Variants in CPQ observed in about 807,000 individuals in gnomAD.
The protein encoded by CPQ is Ser-Met dipeptidase.
In CPQ, 37 loss-of-function variants were observed where a neutral mutation model predicts 45.7. That is an observed-to-expected ratio of 0.81 (90% CI 0.62 to 1.07). CPQ has a LOEUF of 1.07. Ranked by LOEUF, CPQ falls within the 50% of genes least tolerant of loss-of-function variation. CPQ has a pLI of 0.00. For missense variants in CPQ, 537 were observed against 572.9 expected (o/e 0.94, Z 0.64); for synonymous variants, 186 against 205.8 (o/e 0.90, Z 0.82).
chr8:96,683,713 T>C lies in CPQ; in HGVS notation c.-35+38311T>C, dbSNP rs570153258. Among the ~76,000 whole-genome samples the C allele has an allele frequency of 6.6e-5, 10 of 152,062 alleles. No homozygotes were observed. In the South Asian group the frequency reaches 1.9e-3, roughly 28 times the overall value. On this transcript the variant is annotated intron_variant, in intron 1 of 7. Coordinates refer to ENST00000220763, the MANE Select transcript of CPQ (RefSeq NM_016134.4). Reference sequence around the variant, plus strand: ...ATATTATCTAGGCTTCCTTCATTCTTTTAAATCCATTTTTTCTATTTTTTT... The same window carrying C: ...ATATTATCTAGGCTTCCTTCATTCTCTTAAATCCATTTTTTCTATTTTTTT...
intron 3 of CPQ, among the ~76,000 whole-genome samples, chr8:96,874,500 T>C (rs1054553981): frequency 6.6e-6 from 1 of 151,842 alleles, no homozygotes; most frequent in Non-Finnish European, 1.5e-5. Flanking sequence ...TAAAATTTAC[T>C]TTCTATCTAA....
chr8:96,728,629 G>A (rs1465098789), intron 1 of CPQ, among the ~76,000 whole-genome samples: 1 of 152,096 alleles, frequency 6.6e-6, no homozygotes, highest in Non-Finnish European at 1.5e-5. Flanking sequence ...GGTGGATATG[G>A]TCAGTATCCA....
chr8:97,116,087 A>T (rs1428523522), intron 7 of CPQ, among the ~76,000 whole-genome samples: 1 of 152,206 alleles, frequency 6.6e-6, no homozygotes, highest in Non-Finnish European at 1.5e-5. Context: ...AGACAGAAAA[A>T]GAAATGATAG....
intron 6 of CPQ, among the ~76,000 whole-genome samples, chr8:97,058,500 C>A (rs998001140): frequency 6.6e-5 from 10 of 152,082 alleles, no homozygotes; most frequent in Non-Finnish European, 1.3e-4. Context: ...GGAAAATGGT[C>A]AAATGAAGGA....
At chr8:96,779,199 G>A (rs1352667950) in intron 1 of CPQ, among the ~76,000 whole-genome samples, 1 of 152,000 alleles carries the variant, frequency 6.6e-6, no homozygotes, top group African/African-American at 2.4e-5. Context: ...GGTCCCTCTA[G>A]AAAGGGTACC....
At chr8:97,040,370 A>C (rs1181802394) in intron 6 of CPQ, among the ~76,000 whole-genome samples, 12 of 151,568 alleles carry the variant, frequency 7.9e-5, no homozygotes, top group Middle Eastern at 3.4e-3. Context: ...TTCATTGTAG[A>C]TTCTGGATAT....
chr8:96,734,545 A>G (rs1809954950), intron 1 of CPQ, among the ~76,000 whole-genome samples: 1 of 151,740 alleles, frequency 6.6e-6, no homozygotes, highest in Non-Finnish European at 1.5e-5. Flanking sequence ...CTCCATCTCT[A>G]CTAAAAATAC....
intron 2 of CPQ, among the ~76,000 whole-genome samples, chr8:96,793,262 C>G (rs1010764922): frequency 6.6e-5 from 10 of 152,010 alleles, no homozygotes; most frequent in African/African-American, 2.4e-4. Flanking sequence ...AAAGACATAC[C>G]CAAGACTGGG....
chr8:96,700,084 A>C (rs1809435510), intron 1 of CPQ, among the ~76,000 whole-genome samples: 1 of 152,140 alleles, frequency 6.6e-6, no homozygotes, highest in South Asian at 2.1e-4. Flanking sequence ...ATGTTGCATG[A>C]GGTGAGGCAG....
At chr8:97,062,069 A>G (rs1810560133) in intron 6 of CPQ, among the ~76,000 whole-genome samples, 1 of 152,180 alleles carries the variant, frequency 6.6e-6, no homozygotes, top group South Asian at 2.1e-4. Flanking sequence ...GACATTGCAC[A>G]ATGGCATTCA....
intron 2 of CPQ, among the ~76,000 whole-genome samples, chr8:96,796,275 T>G (rs1010250873): frequency 1.3e-5 from 2 of 152,190 alleles, no homozygotes; most frequent in Non-Finnish European, 2.9e-5. Context: ...TTCATATGTT[T>G]ACTGGAAGCA....
intron 6 of CPQ, 80 bp from the exon 7 acceptor site, chr8:97,065,929 G>T: frequency 1.5e-6 from 2 of 1,366,712 alleles, no homozygotes; most frequent in Non-Finnish European, 1.0e-6. Context: ...TAAAGTATTT[G>T]GTAATTGTTG....
intron 5 of CPQ, among the ~76,000 whole-genome samples, chr8:97,023,494 T>C (rs1405732954): frequency 1.3e-5 from 2 of 152,048 alleles, no homozygotes; most frequent in Non-Finnish European, 2.9e-5. Flanking sequence ...ATAAAAAATA[T>C]AATAAGCAGA....
intron 3 of CPQ, among the ~76,000 whole-genome samples, chr8:96,861,866 G>C (rs1240062749): frequency 2.6e-5 from 4 of 152,072 alleles, no homozygotes; most frequent in African/African-American, 4.8e-5. Flanking sequence ...AACAAATATT[G>C]TGGGCACTCA....
At chr8:96,707,452 TA>T (rs532172176) in intron 1 of CPQ, among the ~76,000 whole-genome samples, 79 of 152,212 alleles carry the variant, frequency 5.2e-4, no homozygotes, top group Middle Eastern at 3.4e-3. Flanking sequence ...TTAACTTTCT[TA>T]AAACATTATG....
intron 1 of CPQ, among the ~76,000 whole-genome samples, chr8:96,663,737 A>C (rs934853207): frequency 1.1e-4 from 16 of 152,148 alleles, no homozygotes; most frequent in Non-Finnish European, 2.2e-4. Flanking sequence ...TCTATTGAAC[A>C]AATATTGTGT....
At chr8:96,855,458 A>G (rs1303332374) in intron 3 of CPQ, among the ~76,000 whole-genome samples, 1 of 152,192 alleles carries the variant, frequency 6.6e-6, no homozygotes, top group Non-Finnish European at 1.5e-5. Flanking sequence ...TTTTAGAAAT[A>G]GGGGGATTAG....
At chr8:96,721,394 G>A (rs756196767) in intron 1 of CPQ, among the ~76,000 whole-genome samples, 7 of 151,988 alleles carry the variant, frequency 4.6e-5, no homozygotes, top group Admixed American at 2.0e-4. Flanking sequence ...GAAAATAGTT[G>A]CCTGTTTTGC....
At chr8:96,821,219 A>G (rs137995731) in intron 2 of CPQ, among the ~76,000 whole-genome samples, 2,196 of 147,790 alleles carry the variant, frequency 0.015, 16 homozygotes, top group Non-Finnish European at 0.02. Context: ...ATAGTTTGCA[A>G]ATATTTTCTC....
Sources: gnomAD v4.1 joint callset for allele counts (sites outside exome capture counted in the v4.1 genomes callset) on GRCh38, gnomAD v4.1.1 for gene constraint, MANE v1.5 for transcripts, NCBI Gene and HGNC (gene_info 2026-07-23, HGNC 2026-07-21) for gene names.